The following LRP1B variants were observed in gnomAD, a reference collection of about 807,000 sequenced individuals.
The protein encoded by LRP1B is low-density lipoprotein receptor-related protein 1B.
Under a neutral mutation model 556.6 loss-of-function variants are expected in LRP1B, and 217 were observed. That is an observed-to-expected ratio of 0.39 (90% CI 0.35 to 0.44). LRP1B has a LOEUF of 0.44. Ranked by LOEUF, LRP1B falls within the 20% of genes least tolerant of loss-of-function variation. The probability of loss-of-function intolerance (pLI) is 1.00; values close to 1 mark genes in which losing one functional copy is unlikely to be tolerated. For synonymous variants in LRP1B, 2,047 were observed against 1,865.8 expected, an observed-to-expected ratio of 1.10 and a Z score of -2.50; for missense variants, 5,053 against 5,620.8, an observed-to-expected ratio of 0.90 and a Z score of 3.23.
intron 1 of LRP1B, among the ~76,000 whole-genome samples, chr2:142,080,789 A>C: frequency 6.6e-6 from 1 of 152,086 alleles, no homozygotes; most frequent in African/African-American, 2.4e-5. Context: ...ACCCACCTGA[A>C]ACTCCTGGAT....
At chr2:141,853,648 C>T (rs965468707) in intron 1 of LRP1B, among the ~76,000 whole-genome samples, 4 of 151,590 alleles carry the variant, frequency 2.6e-5, no homozygotes, top group Non-Finnish European at 5.9e-5. Context: ...AAGTTTTTGC[C>T]TTATTTGAAA....
At chr2:142,034,373 T>C (rs1703805072) in intron 1 of LRP1B, among the ~76,000 whole-genome samples, 1 of 151,766 alleles carries the variant, frequency 6.6e-6, no homozygotes. Flanking sequence ...GTATTCTAGC[T>C]ATAGTTGTGT....
chr2:140,360,706 C>T (rs953839099), intron 72 of LRP1B, among the ~76,000 whole-genome samples: 2 of 151,574 alleles, frequency 1.3e-5, no homozygotes, highest in South Asian at 4.2e-4. Flanking sequence ...CTTCTTAGCT[C>T]CTTAAGTTTC....
chr2:140,994,173 A>G, intron 15 of LRP1B, 38 bp from the exon 16 acceptor site: 1 of 1,569,838 alleles, frequency 6.4e-7, no homozygotes, highest in African/African-American at 1.4e-5. Flanking sequence ...GAATAATGCT[A>G]GCTACAGTCA....
chr2:141,731,968 C>G (rs1010387468), intron 2 of LRP1B, among the ~76,000 whole-genome samples: 3 of 152,130 alleles, frequency 2.0e-5, no homozygotes, highest in Non-Finnish European at 4.4e-5. Flanking sequence ...TGACACCACT[C>G]TATCCCAGCT....
intron 5 of LRP1B, among the ~76,000 whole-genome samples, chr2:141,242,602 T>A (rs774106539): frequency 4.6e-5 from 7 of 152,108 alleles, no homozygotes; most frequent in Non-Finnish European, 1.0e-4. Context: ...AATCCTGAAG[T>A]TTTTTAATAG....
intron 7 of LRP1B, among the ~76,000 whole-genome samples, chr2:141,143,131 G>A (rs1253804156): frequency 3.3e-5 from 5 of 151,730 alleles, no homozygotes; most frequent in Admixed American, 1.3e-4. Context: ...GGGTTTCACC[G>A]CGTTAGCCAG....
intron 3 of LRP1B, among the ~76,000 whole-genome samples, chr2:141,427,880 T>C (rs10195778): frequency 0.2 from 30,192 of 152,022 alleles, 3,664 homozygotes; most frequent in East Asian, 0.45. Context: ...TAGTGCACAA[T>C]AGTGAGTCAA....
chr2:141,410,102 A>G (rs1251223293), intron 3 of LRP1B, among the ~76,000 whole-genome samples: 1 of 152,090 alleles, frequency 6.6e-6, no homozygotes, highest in Non-Finnish European at 1.5e-5. Flanking sequence ...CCAACCTATC[A>G]TACTATAGAT....
At chr2:140,786,699 T>C (rs1246801543) in intron 32 of LRP1B, among the ~76,000 whole-genome samples, 1 of 152,212 alleles carries the variant, frequency 6.6e-6, no homozygotes, top group Non-Finnish European at 1.5e-5. Context: ...CAAGCCTTTG[T>C]GACCTTGAAC....
chr2:140,729,878 T>G (rs1335736214), intron 35 of LRP1B, among the ~76,000 whole-genome samples: 1 of 152,204 alleles, frequency 6.6e-6, no homozygotes, highest in Non-Finnish European at 1.5e-5. Flanking sequence ...CATGCATAAC[T>G]GCATTATTAC....
chr2:140,446,762 G>A (rs1167407777), intron 63 of LRP1B, among the ~76,000 whole-genome samples: 2 of 151,976 alleles, frequency 1.3e-5, no homozygotes, highest in African/African-American at 4.8e-5. Flanking sequence ...TGACATTAGT[G>A]TGGGTAAAAA....
At chr2:140,682,781 A>G (rs1685908586) in intron 41 of LRP1B, among the ~76,000 whole-genome samples, 1 of 152,034 alleles carries the variant, frequency 6.6e-6, no homozygotes, top group Non-Finnish European at 1.5e-5. Flanking sequence ...AAGCAAGGAA[A>G]CAGTACACTC....
At chr2:140,861,118 C>T (rs1160145556) in intron 27 of LRP1B, among the ~76,000 whole-genome samples, 1 of 152,026 alleles carries the variant, frequency 6.6e-6, no homozygotes, top group Non-Finnish European at 1.5e-5. Context: ...CTAAAAGAGA[C>T]TAATGTGGCC....
intron 2 of LRP1B, among the ~76,000 whole-genome samples, chr2:141,742,641 G>T (rs10171489): frequency 0.37 from 56,175 of 150,900 alleles, 11,429 homozygotes; most frequent in East Asian, 0.5. Flanking sequence ...ATTTTTTTTT[G>T]ATTTCTGTGA....
chr2:140,590,634 C>T (rs1463378863), intron 43 of LRP1B, among the ~76,000 whole-genome samples: 4 of 151,980 alleles, frequency 2.6e-5, no homozygotes, highest in African/African-American at 9.7e-5. Context: ...CGTGAAGACA[C>T]AGTGAGAAGA....
chr2:141,287,670 T>A (rs1390474749), intron 3 of LRP1B, among the ~76,000 whole-genome samples: 1 of 152,218 alleles, frequency 6.6e-6, no homozygotes, highest in Non-Finnish European at 1.5e-5. Context: ...TGTCATTGAT[T>A]TCTTATCGTT....
chr2:140,542,911 A>C (rs1018128491), intron 43 of LRP1B, among the ~76,000 whole-genome samples: 6 of 152,176 alleles, frequency 3.9e-5, no homozygotes, highest in Admixed American at 3.9e-4. Flanking sequence ...GAACCACAGG[A>C]AAGAATTAGA....
At chr2:140,823,791 A>AG (rs1220732449) in intron 31 of LRP1B, among the ~76,000 whole-genome samples, 1 of 152,008 alleles carries the variant, frequency 6.6e-6, no homozygotes, top group African/African-American at 2.4e-5. Flanking sequence ...TCAGAAAGAC[A>AG]GAAAAAAAAG....
Sources: gnomAD v4.1 joint callset for allele counts (sites outside exome capture counted in the v4.1 genomes callset) on GRCh38, gnomAD v4.1.1 for gene constraint, MANE v1.5 for transcripts, NCBI Gene and HGNC (gene_info 2026-07-23, HGNC 2026-07-21) for gene names.